Variants in APBB3 observed in about 807,000 individuals in gnomAD.
APBB3 encodes the protein amyloid-beta A4 precursor protein-binding family B member 3.
In APBB3, 50 loss-of-function variants were observed where a neutral mutation model predicts 61.5. The ratio of observed to expected loss-of-function variants is 0.81; its 90% CI spans 0.65 to 1.03. APBB3 has a LOEUF of 1.03. Among genes scored for constraint, APBB3 ranks in the 50% least tolerant of loss-of-function variants. APBB3 has a pLI of 0.00. For missense variants in APBB3, 550 were observed against 637.4 expected (o/e 0.86, Z 1.48); for synonymous variants, 235 against 233.0 (o/e 1.01, Z -0.08).
Position 140,560,847 on chromosome 5 carries a change from A to G in APBB3, c.917-93T>C, listed in dbSNP as rs1754920414. On this transcript the variant is annotated intron_variant, in intron 10 of 12. Transcript: ENST00000357560. This position sits in a 1 kb window ranked among gnomAD's most constrained non-coding sequence, Gnocchi z 5.1. The stretch of plus-strand genomic sequence containing the variant: ...TCTCACTGATTTGGGATTCAGAGAT[A>G]GGGAATAGGATAGCTGGGGCAAGCC... The G allele has an allele frequency of 1.1e-5, 16 of 1,421,596 alleles. No individual in the cohort carries two copies. Among genetic ancestry groups the G allele is most frequent in the African/African-American group, 1.4e-5 (1 of 71,542 alleles). 88.1% of individuals were successfully genotyped at this position (1,421,596 alleles called of 1,614,324 possible). A position where few individuals can be genotyped will look rare whatever the true frequency, so the allele number is the denominator to read the frequency against.
chr5:140,561,027 T>C lies in APBB3; in HGVS notation c.907A>G (p.Lys303Glu), dbSNP rs144785905. The C allele has an allele frequency of 8.4e-5, 135 of 1,613,050 alleles. No individual in the cohort carries two copies. The highest frequency in any genetic ancestry group is 2.3e-4 in the Admixed American group (14 of 60,004). The change falls in exon 10 of 13, where the codon AAG becomes GAG. Residue 303 changes from lysine (K) to glutamate (E), a missense_variant. Transcript: ENST00000357560. Reference sequence around the variant, plus strand: ...CCCCCTCAGTCCTCACCCATGGCCTTGGTGACTGGCAGTGTCCCCATATAC... The same window carrying C: ...CCCCCTCAGTCCTCACCCATGGCCTCGGTGACTGGCAGTGTCCCCATATAC... ...ALYMGTLPVT[K>E]AMGMDVLNEA...
intron 3 of APBB3, 140 bp downstream of exon 3, chr5:140,563,454 G>A: frequency 1.1e-6 from 1 of 895,438 alleles, no homozygotes; most frequent in Non-Finnish European, 1.8e-6. Context: ...TAAGAACCTG[G>A]GACAGAGCCA....
In APBB3 at chr5:140,562,040, T is replaced by C. The variant is rs755243445; in HGVS notation, c.626+60A>G. The C allele has an allele frequency of 1.9e-6, 3 of 1,612,582 alleles. No individual in the cohort carries two copies. In the South Asian group the frequency reaches 3.3e-5, roughly 18 times the overall value. On this transcript the variant is annotated intron_variant, in intron 6 of 12. Transcript: ENST00000357560. ...TACTGGGGATCAGCATCAGTGGGGA[T>C]CACAGCCTGCAGCCGGGAGGGAGAA...
rs1461451949 is a variant in APBB3 at position 140,560,526 on chromosome 5, A to T, written c.1033-22T>A. ...CTGCCTGCCCACACCAGGCCTAGTC[A>T]CTAGAGGGCCAAGCACGGGCCAGAC... is the stretch of plus-strand genomic sequence containing the variant. On this transcript the variant is annotated intron_variant, in intron 11 of 12. Coordinates refer to ENST00000357560, the MANE Select transcript of APBB3 (RefSeq NM_133173.3). This position sits in a 1 kb window ranked among gnomAD's most constrained non-coding sequence, Gnocchi z 5.1. 1.2e-6 allele frequency: 2 copies of T among 1,609,060 alleles called. No individual in the cohort carries two copies. Among genetic ancestry groups the T allele is most frequent in the Non-Finnish European group, 1.7e-6 (2 of 1,176,476 alleles).
At chr5:140,563,334 G>A in intron 3 of APBB3, 1 of 543,654 alleles carries the variant, frequency 1.8e-6, no homozygotes, top group Non-Finnish European at 3.2e-6. Context: ...TAGAACAGAG[G>A]ACTTAATGGC....
In APBB3 at chr5:140,561,658, T is replaced by TG; in HGVS notation, c.675dup (p.Lys226GlnfsTer8). The stretch of plus-strand genomic sequence containing the variant: ...ACATCACAGCAAAACACATGGCACT[T>TG]GAGCATACAGCTATCTTTGTCACTT... On this transcript the variant is annotated frameshift_variant, in exon 8 of 13. Coordinates refer to ENST00000357560, the MANE Select transcript of APBB3 (RefSeq NM_133173.3). LOFTEE classifies it high-confidence loss of function. 1 of 1,614,200 alleles carries TG rather than the reference T, an allele frequency of 6.2e-7. No individual in the cohort carries two copies. Among genetic ancestry groups the TG allele is most frequent in the Non-Finnish European group, 8.5e-7 (1 of 1,180,030 alleles).
chr5:140,558,955 A>G (rs1754827682), intron 12 of APBB3, 134 bp from the exon 13 acceptor site: 6 of 777,200 alleles, frequency 7.7e-6, no homozygotes, highest in Non-Finnish European at 1.3e-5. Flanking sequence ...TGGAGTTTCT[A>G]GAGCATTCCC....
Position 140,558,369 on chromosome 5 carries a change from C to A in APBB3, c.*216G>T, listed in dbSNP as rs1440231405. On this transcript the variant is annotated 3_prime_UTR_variant, in exon 13 of 13. Transcript: ENST00000357560. ...TGGACAGGGGCAAGGAACACAAGGA[C>A]CCAAGGAAAGGGGAGCCAGGGTCCT... 7.6e-6 allele frequency: 5 copies of A among 657,458 alleles called. No individual in the cohort carries two copies. Among genetic ancestry groups the A allele is most frequent in the Non-Finnish European group, 1.4e-5 (5 of 369,574 alleles). The allele number at this position is 657,458 out of a possible 1,614,324, so 40.7% of individuals were successfully genotyped here.
In APBB3 at chr5:140,560,201, A is replaced by C. The variant is rs1218960029; in HGVS notation, c.1224+112T>G. 36 of 1,224,660 alleles carry C rather than the reference A, an allele frequency of 2.9e-5. No homozygotes were observed. Among genetic ancestry groups the C allele is most frequent in the Non-Finnish European group, 3.9e-5 (34 of 879,952 alleles). 75.9% of individuals were successfully genotyped at this position (1,224,660 alleles called of 1,614,324 possible). On this transcript the variant is annotated intron_variant, in intron 12 of 12. Coordinates refer to ENST00000357560, the MANE Select transcript of APBB3 (RefSeq NM_133173.3). This position sits in a 1 kb window ranked among gnomAD's most constrained non-coding sequence, Gnocchi z 5.1. Reference sequence around the variant, plus strand: ...ATGAGGGCCAAAACATTAATGAACCAGAATCAGCCCAGGTTTGTGATCTCT... The same window carrying C: ...ATGAGGGCCAAAACATTAATGAACCCGAATCAGCCCAGGTTTGTGATCTCT...
rs574279618 is a variant in APBB3 at position 140,562,333 on chromosome 5, A to G, written c.498+20T>C. On this transcript the variant is annotated intron_variant, in intron 5 of 12. Coordinates refer to ENST00000357560, the MANE Select transcript of APBB3 (RefSeq NM_133173.3). ...TGCTGGGCCCTGGGCCCAAACCATT[A>G]AAGGGCCCAGCCAACTCACCTCACC... 1.3e-5 allele frequency: 21 copies of G among 1,613,328 alleles called. No homozygotes were observed. The Admixed American group carries it at 2.8e-4, about 22-fold the overall frequency.
Position 140,560,619 on chromosome 5 carries a change from ACTTCACCCT to A in APBB3, c.1032+11_1032+19del, listed in dbSNP as rs749327541. 2 of 1,613,136 alleles carry A rather than the reference ACTTCACCCT, an allele frequency of 1.2e-6. No individual in the cohort carries two copies. Among genetic ancestry groups the A allele is most frequent in the Non-Finnish European group, 1.7e-6 (2 of 1,179,240 alleles). On this transcript the variant is annotated intron_variant, in intron 11 of 12. Coordinates refer to ENST00000357560, the MANE Select transcript of APBB3 (RefSeq NM_133173.3). This position sits in a 1 kb window ranked among gnomAD's most constrained non-coding sequence, Gnocchi z 5.1. ...CCTGCTCACCCCTCCAAAGCCCCCAACTTCACCCTCTTCTGGTACCTGAATGGGGTGTGC... is the reference window on the plus strand; with the variant it reads ...CCTGCTCACCCCTCCAAAGCCCCCAACTTCTGGTACCTGAATGGGGTGTGC...
Position 140,562,651 on chromosome 5 carries a change from C to A in APBB3, c.351+12G>T. On this transcript the variant is annotated intron_variant, in intron 4 of 12. Transcript: ENST00000357560. ...TTGGGACCTCCCAATGCCCTCAGGC[C>A]CAAGTCACTACCTTAGCCCCTGGCT... 6.2e-7 allele frequency: 1 copy of A among 1,614,186 alleles called. No individual in the cohort carries two copies. Among genetic ancestry groups the A allele is most frequent in the South Asian group, 1.1e-5 (1 of 91,080 alleles).
rs1581404591 is a variant in APBB3 at position 140,560,626 on chromosome 5, C to A, written c.1032+13G>T. The A allele has an allele frequency of 6.2e-7, 1 of 1,613,588 alleles. No homozygotes were observed. ...ACCCCTCCAAAGCCCCCAACTTCAC[C>A]CTCTTCTGGTACCTGAATGGGGTGT... is the stretch of plus-strand genomic sequence containing the variant. On this transcript the variant is annotated intron_variant, in intron 11 of 12. Coordinates refer to ENST00000357560, the MANE Select transcript of APBB3 (RefSeq NM_133173.3). The surrounding 1 kb of genome is among the most constrained non-coding windows in gnomAD (Gnocchi z 5.1).
chr5:140,562,832 G>A (rs935665039), intron 3 of APBB3, 109 bp from the exon 4 acceptor site: 13 of 993,530 alleles, frequency 1.3e-5, no homozygotes, highest in Non-Finnish European at 2.0e-5. Flanking sequence ...CCAGAATATA[G>A]CACCAGAAAT....
At chr5:140,563,409 T>C (rs1755056529) in intron 3 of APBB3, 185 bp downstream of exon 3, 1 of 688,484 alleles carries the variant, frequency 1.5e-6, no homozygotes. Context: ...AAACAAGAGC[T>C]TAGAACAAGG....
chr5:140,561,156 A>G lies in APBB3; in HGVS notation c.833-55T>C, dbSNP rs960234459. 1.6e-5 allele frequency: 25 copies of G among 1,597,006 alleles called. No individual in the cohort carries two copies. In the Middle Eastern group the frequency reaches 8.3e-4, roughly 53 times the overall value. Reference sequence around the variant, plus strand: ...AGCTCTTTCAATTACCCTTTTCCCCACCCTTCTCAATGGGCCAGGACTCAG... The same window carrying G: ...AGCTCTTTCAATTACCCTTTTCCCCGCCCTTCTCAATGGGCCAGGACTCAG... On this transcript the variant is annotated intron_variant, in intron 9 of 12. Transcript: ENST00000357560.
In APBB3 at chr5:140,560,349, T is replaced by C; in HGVS notation, c.1188A>G (p.Ala396=). 3 of 1,611,256 alleles carry C rather than the reference T, an allele frequency of 1.9e-6. No homozygotes were observed. The highest frequency in any genetic ancestry group is 2.5e-6 in the Non-Finnish European group (3 of 1,179,822). The change falls in exon 12 of 13, where the codon GCA becomes GCG. Residue 396 remains alanine (A), a synonymous_variant. Transcript: ENST00000357560. This position sits in a 1 kb window ranked among gnomAD's most constrained non-coding sequence, Gnocchi z 5.1. ...CCTGCACAGCTTCAGAGAGTCCCCC[T>C]GCATGGGGCTGGCACCAGAAGGCTG... is the stretch of plus-strand genomic sequence containing the variant. ...QCAAFWCQPH[A]GGLSEAVQAA...
rs182314255 is a variant in APBB3, at chr5:140,562,270, T to A, written c.499-43A>T. On this transcript the variant is annotated intron_variant, in intron 5 of 12. Coordinates refer to ENST00000357560, the MANE Select transcript of APBB3 (RefSeq NM_133173.3). Reference sequence around the variant, plus strand: ...CAGCCCAGAGCTCAGATAAAGGTCATTGCCATGAGAAATAGGAAATTCAGG... The same window carrying A: ...CAGCCCAGAGCTCAGATAAAGGTCAATGCCATGAGAAATAGGAAATTCAGG... 4 of 1,612,230 alleles carry A rather than the reference T, an allele frequency of 2.5e-6. No homozygotes were observed. The Admixed American group carries it at 5.0e-5, about 20-fold the overall frequency.
chr5:140,558,741 G>T lies in APBB3; in HGVS notation c.1305C>A (p.Leu435=). 6.2e-7 allele frequency: 1 copy of T among 1,606,768 alleles called. No individual in the cohort carries two copies. Among genetic ancestry groups the T allele is most frequent in the Non-Finnish European group, 8.5e-7 (1 of 1,178,062 alleles). ...WGAQARARLR[L]KRTSSMDSPG... is the part of the protein sequence containing the mutation. ...GGGAATCCATGGAGCTGGTCCGCTT[G>T]AGCCGCAGGCGGGCACGGGCCTGGG... Residue 435 remains leucine (L), a synonymous_variant, in exon 13 of 13, where the codon CTC becomes CTA. Transcript: ENST00000357560.
Sources: gnomAD v4.1 joint callset for allele counts on GRCh38, gnomAD v4.1.1 for gene constraint, Gnocchi (gnomAD v3.1) non-coding constraint, MANE v1.5 for transcripts, NCBI Gene and HGNC (gene_info 2026-07-23, HGNC 2026-07-21) for gene names.